The following PTDSS2 variants were observed in gnomAD, a reference collection of about 807,000 sequenced individuals.
PTDSS2 encodes the protein PSS-2.
A neutral mutation model predicts 64.7 loss-of-function variants in PTDSS2; 41 were observed. That is an observed-to-expected ratio of 0.63 (90% CI 0.49 to 0.82). PTDSS2 has a LOEUF of 0.82. PTDSS2 is among the 40% of genes least tolerant of loss of function. The pLI is 0.00. For missense variants in PTDSS2, 485 were observed against 650.0 expected (o/e 0.75, Z 2.76); for synonymous variants, 297 against 277.8 (o/e 1.07, Z -0.69).
At chr11:478,557 G>A (rs1847919734) in intron 3 of PTDSS2, among the ~76,000 whole-genome samples, 1 of 152,098 alleles carries the variant, frequency 6.6e-6, no homozygotes, top group South Asian at 2.1e-4. Flanking sequence ...GACCAGCCTG[G>A]CCAACATGGT....
intron 2 of PTDSS2, among the ~76,000 whole-genome samples, chr11:469,761 C>T (rs1847333720): frequency 1.3e-5 from 2 of 151,998 alleles, no homozygotes; most frequent in African/African-American, 2.4e-5. Flanking sequence ...CTCCAGTCCA[C>T]GGGGCCAGGG....
At chr11:453,035 C>T (rs1470407289) in intron 1 of PTDSS2, among the ~76,000 whole-genome samples, 2 of 151,972 alleles carry the variant, frequency 1.3e-5, no homozygotes, top group African/African-American at 4.8e-5. Flanking sequence ...CCAGCCAGGG[C>T]GTTCATTTTC....
At chr11:453,629 G>A (rs1242701020) in intron 1 of PTDSS2, among the ~76,000 whole-genome samples, 4 of 152,232 alleles carry the variant, frequency 2.6e-5, no homozygotes, top group African/African-American at 9.6e-5. Context: ...CACCTGGGAG[G>A]CGCGAGTAGC....
chr11:453,139 G>A (rs111820709), intron 1 of PTDSS2, among the ~76,000 whole-genome samples: 26 of 152,230 alleles, frequency 1.7e-4, no homozygotes, highest in African/African-American at 4.8e-4. Flanking sequence ...TAGGGCGTGC[G>A]GTTCGATTCA....
intron 3 of PTDSS2, among the ~76,000 whole-genome samples, chr11:474,557 C>A (rs1847632747): frequency 6.6e-6 from 1 of 152,202 alleles, no homozygotes; most frequent in African/African-American, 2.4e-5. Context: ...TCTGCCTCAG[C>A]CACCACCCCA....
In PTDSS2 at chr11:458,507, ATTTT is replaced by A. The variant is rs3082636; in HGVS notation, c.183-1660_183-1657del. ...GGCGTGAGCCACCGCGCCTGGCCTG[ATTTT>A]TTTTTTTTTTTTTTTTTTTGAGACA... On this transcript the variant is annotated intron_variant, in intron 1 of 11. Transcript: ENST00000308020. 4.0e-4 allele frequency among the ~76,000 whole-genome samples: 38 copies of A among 93,908 alleles called. 1 individual carries two copies. The highest frequency in any genetic ancestry group is 1.6e-3 in the African/African-American group (35 of 22,488). 61.6% of individuals were successfully genotyped at this position (93,908 alleles called of 152,430 possible). A position where few individuals can be genotyped will look rare whatever the true frequency, so the allele number is the denominator to read the frequency against.
At chr11:489,086 T>C (rs1422738299) in intron 8 of PTDSS2, among the ~76,000 whole-genome samples, 2 of 152,214 alleles carry the variant, frequency 1.3e-5, no homozygotes. Context: ...CATGGCTAGC[T>C]CACGGCACCG....
chr11:456,888 G>A (rs1338665233), intron 1 of PTDSS2, among the ~76,000 whole-genome samples: 1 of 152,180 alleles, frequency 6.6e-6, no homozygotes, highest in African/African-American at 2.4e-5. Context: ...TAAAGAAAAA[G>A]GTGGTTGATA....
At position 479,839 on chromosome 11, in the gene PTDSS2, T is replaced by C. The variant is rs924448963; in HGVS notation, c.435+687T>C. ...ATACTCTTTGTTCTGTTTAACTTAG[T>C]GTAAACACACATTTTTGGGGCTGTC... On this transcript the variant is annotated intron_variant, in intron 4 of 11. Transcript: ENST00000308020. This position sits in a 1 kb window ranked among gnomAD's most constrained non-coding sequence, Gnocchi z 4.2. 6.6e-6 allele frequency among the ~76,000 whole-genome samples: 1 copy of C among 152,228 alleles called. No homozygotes were observed. The highest frequency in any genetic ancestry group is 2.4e-5 in the African/African-American group (1 of 41,450).
Position 460,486 on chromosome 11 carries a change from G to A in PTDSS2, c.284+198G>A, listed in dbSNP as rs112042534. ...TGGTGCTGCGTGGCGTTCCCGGTCA[G>A]CCCCCGTCGCCTGTCACTGGGAGCC... On this transcript the variant is annotated intron_variant, in intron 2 of 11. Transcript: ENST00000308020. This position sits in a 1 kb window ranked among gnomAD's most constrained non-coding sequence, Gnocchi z 5.8. 2 of 554,496 alleles carry A rather than the reference G, an allele frequency of 3.6e-6. No homozygotes were observed. Among genetic ancestry groups the A allele is most frequent in the South Asian group, 2.2e-5 (1 of 46,304 alleles). The allele number at this position is 554,496 out of a possible 1,614,324, so 34.3% of individuals were successfully genotyped here.
intron 1 of PTDSS2, among the ~76,000 whole-genome samples, chr11:457,100 C>A (rs1391346306): frequency 2.0e-5 from 3 of 152,316 alleles, no homozygotes; most frequent in Admixed American, 2.0e-4. Context: ...AAAATCCAAC[C>A]TGACCCACAT....
upstream of PTDSS2, chr11:448,288 C>T (rs951275996): frequency 6.6e-6 from 1 of 151,638 alleles, no homozygotes; most frequent in African/African-American, 2.4e-5. Context: ...CCAGGGACCC[C>T]AGTGGGGCCG....
Position 460,735 on chromosome 11 carries a change from C to T in PTDSS2, c.284+447C>T, listed in dbSNP as rs1437769869. The T allele has an allele frequency of 6.2e-6, 1 of 161,020 alleles. No individual in the cohort carries two copies. Among genetic ancestry groups the T allele is most frequent in the Admixed American group, 6.1e-5 (1 of 16,426 alleles). 10.0% of individuals were successfully genotyped at this position (161,020 alleles called of 1,614,324 possible). A position where few individuals can be genotyped will look rare whatever the true frequency, so the allele number is the denominator to read the frequency against. On this transcript the variant is annotated intron_variant, in intron 2 of 11. Coordinates refer to ENST00000308020, the MANE Select transcript of PTDSS2 (RefSeq NM_030783.3). This position sits in a 1 kb window ranked among gnomAD's most constrained non-coding sequence, Gnocchi z 5.8. ...GGACCGCAGACCATCTGGTCAGCAGCCAAGCGAGTAAACTCGTCTTCTCAG... is the reference window on the plus strand; with the variant it reads ...GGACCGCAGACCATCTGGTCAGCAGTCAAGCGAGTAAACTCGTCTTCTCAG...
intron 6 of PTDSS2, 93 bp from the exon 7 acceptor site, chr11:488,106 C>T: frequency 1.1e-6 from 1 of 922,908 alleles, no homozygotes; most frequent in South Asian, 1.4e-5. Context: ...GTCCCATACT[C>T]TGGCTGCCAG....
At chr11:488,087 G>A (rs1219342261) in intron 6 of PTDSS2, 112 bp from the exon 7 acceptor site, 16 of 729,054 alleles carry the variant, frequency 2.2e-5, no homozygotes, top group South Asian at 1.1e-4. Context: ...AGGGCCGGGC[G>A]TGGCCGGCGT....
chr11:472,586 C>T (rs1442606766), intron 2 of PTDSS2, among the ~76,000 whole-genome samples: 1 of 152,150 alleles, frequency 6.6e-6, no homozygotes, highest in Non-Finnish European at 1.5e-5. Flanking sequence ...GCAGTAGACC[C>T]TTGTCCCGGC....
At chr11:450,165 C>A (rs1846248327), upstream of PTDSS2, 1 of 309,888 alleles carries the variant, frequency 3.2e-6, no homozygotes, top group East Asian at 5.1e-5. Context: ...AGCCGCAGGG[C>A]GGTCCGGCTC....
intron 2 of PTDSS2, among the ~76,000 whole-genome samples, chr11:471,967 AGATGGCGGCCTGGGGTGACGCG>A (rs756015978): frequency 0.036 from 2,381 of 65,816 alleles, 73 homozygotes; most frequent in African/African-American, 0.12. Context: ...GGGGTGATGC[AGATGGCGGCCTGGGGTGACGCG>A]GATGGCGGCC....
chr11:455,152 AGTG>A (rs1433683066), intron 1 of PTDSS2, among the ~76,000 whole-genome samples: 1 of 152,076 alleles, frequency 6.6e-6, no homozygotes, highest in Non-Finnish European at 1.5e-5. Context: ...AACAGGGTTG[AGTG>A]GTGTCCTCAC....
Sources: gnomAD v4.1 joint callset for allele counts (sites outside exome capture counted in the v4.1 genomes callset) on GRCh38, gnomAD v4.1.1 for gene constraint, Gnocchi (gnomAD v3.1) non-coding constraint, MANE v1.5 for transcripts, NCBI Gene and HGNC (gene_info 2026-07-23, HGNC 2026-07-21) for gene names.